Variants in SLC17A7 observed in about 807,000 individuals in gnomAD.
SLC17A7 encodes the protein solute carrier family 17 member 7.
In SLC17A7, 15 loss-of-function variants were observed where a neutral mutation model predicts 59.1. The observed-to-expected ratio is 0.25, with a 90% CI of 0.17 to 0.39. The LOEUF is 0.39. Among genes scored for constraint, SLC17A7 ranks in the 10% least tolerant of loss-of-function variants. SLC17A7 has a pLI of 1.00. For synonymous variants in SLC17A7, 353 were observed against 308.9 expected (o/e 1.14, Z -1.50); for missense variants, 499 against 765.1 (o/e 0.65, Z 4.10).
chr19:49,432,025 A>G (rs1268387651), intron 9 of SLC17A7, among the ~76,000 whole-genome samples: 2 of 152,158 alleles, frequency 1.3e-5, no homozygotes, highest in African/African-American at 2.4e-5. Context: ...CGGCGCGATC[A>G]TAGCTCACTG....
At chr19:49,432,686 G>A (rs367721849) in intron 8 of SLC17A7, 35 bp from the exon 9 acceptor site, 85 of 1,605,262 alleles carry the variant, frequency 5.3e-5, no homozygotes, top group Admixed American at 1.0e-4. Flanking sequence ...ACTAGGGTTC[G>A]GGGCCGCCGG....
At chr19:49,438,333 G>A (rs377313016) in intron 1 of SLC17A7, 1 of 152,506 alleles carries the variant, frequency 6.6e-6, no homozygotes, top group African/African-American at 2.4e-5. Context: ...AAGATGGAGA[G>A]CCTGGGAGAC....
chr19:49,433,894 A>T lies in SLC17A7; in HGVS notation c.725-26T>A, dbSNP rs776836687. 4 of 1,612,042 alleles carry T rather than the reference A, an allele frequency of 2.5e-6. No individual in the cohort carries two copies. The highest frequency in any genetic ancestry group is 1.7e-5 in the Admixed American group (1 of 59,888). Reference sequence around the variant, plus strand: ...CTGGGGGGGTCAGGAGGGGGATGGGAGCGAGGTGAGGACCGGCCCCGCTCC... The same window carrying T: ...CTGGGGGGGTCAGGAGGGGGATGGGTGCGAGGTGAGGACCGGCCCCGCTCC... On this transcript the variant is annotated intron_variant, in intron 6 of 11. Coordinates refer to ENST00000221485, the MANE Select transcript of SLC17A7 (RefSeq NM_020309.4). This position sits in a 1 kb window ranked among gnomAD's most constrained non-coding sequence, Gnocchi z 5.7.
Position 49,436,472 on chromosome 19 carries a change from G to T in SLC17A7, c.315+77C>A. The T allele has an allele frequency of 6.5e-7, 1 of 1,549,158 alleles. No homozygotes were observed. Among genetic ancestry groups the T allele is most frequent in the Non-Finnish European group, 8.7e-7 (1 of 1,144,474 alleles). Reference sequence around the variant, plus strand: ...GGCGTGGCCTGGACGTCTGGTGGGTGAGTGTGACGTCATGGGGGCGTAGGC... The same window carrying T: ...GGCGTGGCCTGGACGTCTGGTGGGTTAGTGTGACGTCATGGGGGCGTAGGC... On this transcript the variant is annotated intron_variant, in intron 2 of 11. Transcript: ENST00000221485. This position sits in a 1 kb window ranked among gnomAD's most constrained non-coding sequence, Gnocchi z 4.1.
In SLC17A7 at chr19:49,429,689, C is replaced by G; in HGVS notation, c.*830G>C. The G allele has an allele frequency of 5.0e-6, 2 of 396,856 alleles. No individual in the cohort carries two copies. Among genetic ancestry groups the G allele is most frequent in the Non-Finnish European group, 8.9e-6 (2 of 225,226 alleles). 24.6% of individuals were successfully genotyped at this position (396,856 alleles called of 1,614,324 possible). A position where few individuals can be genotyped will look rare whatever the true frequency, so the allele number is the denominator to read the frequency against. ...CGAAACCACCCAGGAGAATAAAGTG[C>G]GAGGAATTGGGGAGGGGGCATCATG... is the stretch of plus-strand genomic sequence containing the variant. On this transcript the variant is annotated 3_prime_UTR_variant, in exon 12 of 12. Transcript: ENST00000221485.
chr19:49,435,423 G>A, intron 2 of SLC17A7, 137 bp from the exon 3 acceptor site: 1 of 664,610 alleles, frequency 1.5e-6, no homozygotes, highest in Non-Finnish European at 2.7e-6. Flanking sequence ...GCCAATCAAA[G>A]CTCACACTAT....
chr19:49,436,214 TG>T lies in SLC17A7; in HGVS notation c.315+334del. ...TAGATGTGACCCGGGGACATGAGCT[TG>T]GGGTACAGGCGTGAGCAAAATTGCT... On this transcript the variant is annotated intron_variant, in intron 2 of 11. Coordinates refer to ENST00000221485, the MANE Select transcript of SLC17A7 (RefSeq NM_020309.4). The surrounding 1 kb of genome is among the most constrained non-coding windows in gnomAD (Gnocchi z 4.1). The T allele has an allele frequency of 3.0e-6, 1 of 336,064 alleles. No homozygotes were observed. Among genetic ancestry groups the T allele is most frequent in the Non-Finnish European group, 5.6e-6 (1 of 179,390 alleles). 20.8% of individuals were successfully genotyped at this position (336,064 alleles called of 1,614,324 possible).
chr19:49,436,453 G>T lies in SLC17A7; in HGVS notation c.315+96C>A. On this transcript the variant is annotated intron_variant, in intron 2 of 11. Coordinates refer to ENST00000221485, the MANE Select transcript of SLC17A7 (RefSeq NM_020309.4). The surrounding 1 kb of genome is among the most constrained non-coding windows in gnomAD (Gnocchi z 4.1). ...CCGACAGCGTTTCGGAAGGGGCGTGGCCTGGACGTCTGGTGGGTGAGTGTG... is the reference window on the plus strand; with the variant it reads ...CCGACAGCGTTTCGGAAGGGGCGTGTCCTGGACGTCTGGTGGGTGAGTGTG... The T allele has an allele frequency of 6.7e-7, 1 of 1,492,048 alleles. No homozygotes were observed. Among genetic ancestry groups the T allele is most frequent in the Non-Finnish European group, 9.1e-7 (1 of 1,101,592 alleles). The allele number at this position is 1,492,048 out of a possible 1,614,324, so 92.4% of individuals were successfully genotyped here. A position where few individuals can be genotyped will look rare whatever the true frequency, so the allele number is the denominator to read the frequency against.
In SLC17A7 at chr19:49,431,096, G is replaced by A. The variant is rs760947355; in HGVS notation, c.1308C>T (p.Ile436=). The A allele has an allele frequency of 5.0e-6, 8 of 1,614,036 alleles. No homozygotes were observed. The South Asian group carries it at 6.6e-5, about 13-fold the overall frequency. ...CCACGCCGTTGGAGATGCCCATGAGGATGCTGGCGTAGCGCGGGGCTATGT... is the reference window on the plus strand; with the variant it reads ...CCACGCCGTTGGAGATGCCCATGAGAATGCTGGCGTAGCGCGGGGCTATGT... ...HLDIAPRYAS[I]LMGISNGVGT... Residue 436 remains isoleucine, a synonymous_variant, in exon 11 of 12, where the codon ATC becomes ATT. Transcript: ENST00000221485. The surrounding 1 kb of genome is among the most constrained non-coding windows in gnomAD (Gnocchi z 4.6).
chr19:49,429,429 T>G lies in SLC17A7; in HGVS notation c.*1090A>C. ...TATACACCAAAGCTTTTATTGGGAG[T>G]GGGGCAGGGCAGGATTTACAGTCAC... On this transcript the variant is annotated 3_prime_UTR_variant, in exon 12 of 12. Transcript: ENST00000221485. The G allele has an allele frequency of 2.5e-6, 1 of 398,862 alleles. No individual in the cohort carries two copies. The highest frequency in any genetic ancestry group is 4.4e-5 in the Admixed American group (1 of 22,684). The allele number at this position is 398,862 out of a possible 1,614,324, so 24.7% of individuals were successfully genotyped here.
At chr19:49,439,952 T>C (rs2078993910) in intron 1 of SLC17A7, among the ~76,000 whole-genome samples, 1 of 151,938 alleles carries the variant, frequency 6.6e-6, no homozygotes, top group African/African-American at 2.4e-5. Flanking sequence ...CTCATTCTCC[T>C]GACTTCACAC....
rs746257313 is a variant in SLC17A7 at position 49,436,855 on chromosome 19, C to A, written c.63-54G>T. On this transcript the variant is annotated intron_variant, in intron 1 of 11. Transcript: ENST00000221485. The surrounding 1 kb of genome is among the most constrained non-coding windows in gnomAD (Gnocchi z 4.1). ...GAAGTCCAGGCCCCCAGCCCCCTCA[C>A]CCCCAAGACCAGGATCCAGGGCAAA... is the stretch of plus-strand genomic sequence containing the variant. The A allele has an allele frequency of 6.4e-6, 10 of 1,573,418 alleles. 1 individual carries two copies. In the South Asian group the frequency reaches 7.8e-5, roughly 12 times the overall value.
In SLC17A7 at chr19:49,431,897, C is replaced by T. The variant is rs765789492; in HGVS notation, c.1151-449G>A. ...CAAGTGATCCACCGGCCTTCGCCTCCGAAAGTGCTGGGATAACAGGGGTTA... is the reference window on the plus strand; with the variant it reads ...CAAGTGATCCACCGGCCTTCGCCTCTGAAAGTGCTGGGATAACAGGGGTTA... On this transcript the variant is annotated intron_variant, in intron 9 of 11. Coordinates refer to ENST00000221485, the MANE Select transcript of SLC17A7 (RefSeq NM_020309.4). This position sits in a 1 kb window ranked among gnomAD's most constrained non-coding sequence, Gnocchi z 4.6. Among the ~76,000 whole-genome samples the T allele has an allele frequency of 2.6e-5, 4 of 152,108 alleles. No homozygotes were observed. The highest frequency in any genetic ancestry group is 6.5e-5 in the Admixed American group (1 of 15,278).
intron 1 of SLC17A7, among the ~76,000 whole-genome samples, chr19:49,438,471 G>C (rs1034243144): frequency 6.6e-6 from 1 of 152,036 alleles, no homozygotes; most frequent in African/African-American, 2.4e-5. Flanking sequence ...AGACTGGGAC[G>C]GGGGAGGAAG....
rs758589475 is a variant in SLC17A7 at position 49,433,004 on chromosome 19, G to A, written c.868-44C>T. 126 of 1,570,732 alleles carry A rather than the reference G, an allele frequency of 8.0e-5. No individual in the cohort carries two copies. The highest frequency in any genetic ancestry group is 2.3e-5 in the East Asian group (1 of 43,536). On this transcript the variant is annotated intron_variant, in intron 7 of 11. Coordinates refer to ENST00000221485, the MANE Select transcript of SLC17A7 (RefSeq NM_020309.4). The surrounding 1 kb of genome is among the most constrained non-coding windows in gnomAD (Gnocchi z 5.7). ...GGCCGCTAAGACGGGGAGCGGGGCTGAGGGCTTCTCCGCGTCCCTTCAGGG... is the reference window on the plus strand; with the variant it reads ...GGCCGCTAAGACGGGGAGCGGGGCTAAGGGCTTCTCCGCGTCCCTTCAGGG...
At position 49,431,230 on chromosome 19, in the gene SLC17A7, G is replaced by A. The variant is rs1046757699; in HGVS notation, c.1262-88C>T. On this transcript the variant is annotated intron_variant, in intron 10 of 11. Transcript: ENST00000221485. The surrounding 1 kb of genome is among the most constrained non-coding windows in gnomAD (Gnocchi z 4.6). ...ACGTTCTCAACCCTCTCCCCTCCCC[G>A]CCACTCATGTTCCACCTTTTGTGAG... 3.6e-5 allele frequency: 57 copies of A among 1,568,226 alleles called. No homozygotes were observed. Among genetic ancestry groups the A allele is most frequent in the African/African-American group, 8.1e-5 (6 of 74,234 alleles).
At position 49,433,262 on chromosome 19, in the gene SLC17A7, T is replaced by A. The variant is rs115160291; in HGVS notation, c.868-302A>T. The A allele has an allele frequency of 6.6e-3, 2,802 of 427,322 alleles. 88 individuals carry two copies. The highest frequency in any genetic ancestry group is 0.053 in the African/African-American group (2,594 of 48,666). The allele number at this position is 427,322 out of a possible 1,614,324, so 26.5% of individuals were successfully genotyped here. ...TTTCTTTTTATTTTTACTTTTTGTA[T>A]TTTGTATTTTGAGTAGAGACGGGGG... is the stretch of plus-strand genomic sequence containing the variant. On this transcript the variant is annotated intron_variant, in intron 7 of 11. Coordinates refer to ENST00000221485, the MANE Select transcript of SLC17A7 (RefSeq NM_020309.4). This position sits in a 1 kb window ranked among gnomAD's most constrained non-coding sequence, Gnocchi z 5.7.
At position 49,436,307 on chromosome 19, in the gene SLC17A7, T is replaced by C; in HGVS notation, c.315+242A>G. The stretch of plus-strand genomic sequence containing the variant: ...GATGTTGGGGCGGACTCTACATTTT[T>C]CAATCAAGCCCCTGGAAATAAGGGC... On this transcript the variant is annotated intron_variant, in intron 2 of 11. Transcript: ENST00000221485. This position sits in a 1 kb window ranked among gnomAD's most constrained non-coding sequence, Gnocchi z 4.1. The C allele has an allele frequency of 1.7e-6, 1 of 572,268 alleles. No homozygotes were observed. The highest frequency in any genetic ancestry group is 2.4e-5 in the South Asian group (1 of 42,210). 35.4% of individuals were successfully genotyped at this position (572,268 alleles called of 1,614,324 possible). A position where few individuals can be genotyped will look rare whatever the true frequency, so the allele number is the denominator to read the frequency against.
In SLC17A7 at chr19:49,433,404, T is replaced by C. The variant is rs12981190; in HGVS notation, c.867+322A>G. The C allele has an allele frequency of 4.2e-6, 2 of 475,834 alleles. No individual in the cohort carries two copies. The highest frequency in any genetic ancestry group is 3.3e-5 in the Admixed American group (1 of 30,072). 29.5% of individuals were successfully genotyped at this position (475,834 alleles called of 1,614,324 possible). Reference sequence around the variant, plus strand: ...CCACTGAGCCTGCCCTAGGAGTCTCTTTTTATCAAAAATGCTCCCAAAATA... The same window carrying C: ...CCACTGAGCCTGCCCTAGGAGTCTCCTTTTATCAAAAATGCTCCCAAAATA... On this transcript the variant is annotated intron_variant, in intron 7 of 11. Coordinates refer to ENST00000221485, the MANE Select transcript of SLC17A7 (RefSeq NM_020309.4). The surrounding 1 kb of genome is among the most constrained non-coding windows in gnomAD (Gnocchi z 5.7).
Sources: allele counts gnomAD v4.1 joint callset (sites outside exome capture counted in the v4.1 genomes callset), GRCh38; gene constraint gnomAD v4.1.1; non-coding constraint Gnocchi (gnomAD v3.1); transcripts MANE v1.5; gene names NCBI Gene and HGNC (gene_info 2026-07-23, HGNC 2026-07-21).